The following CNTN5 variants were observed in gnomAD, a reference collection of about 807,000 sequenced individuals.
CNTN5 encodes the protein contactin 5.
CNTN5 carries 77 observed loss-of-function variants against 129.1 expected under a neutral mutation model. That is an observed-to-expected ratio of 0.60 (90% CI 0.50 to 0.72). The LOEUF (loss-of-function observed/expected upper bound fraction) is 0.72, where lower values mean the gene tolerates loss of function less well. Among genes scored for constraint, CNTN5 ranks in the 30% least tolerant of loss-of-function variants. The pLI, the probability that CNTN5 is intolerant of heterozygous loss-of-function variation, is 0.00. For missense variants in CNTN5, 1,478 were observed against 1,328.8 expected, an observed-to-expected ratio of 1.11 and a Z score of -1.75; for synonymous variants, 509 against 465.6, an observed-to-expected ratio of 1.09 and a Z score of -1.20.
chr11:100,337,289 A>G (rs1952056327), intron 21 of CNTN5: 1 of 1,163,452 alleles, frequency 8.6e-7, no homozygotes. Flanking sequence ...GCCTTTATAA[A>G]TCATGCTCCT....
chr11:99,498,234 T>C (rs1041274534), intron 2 of CNTN5, among the ~76,000 whole-genome samples: 13 of 152,182 alleles, frequency 8.5e-5, no homozygotes, highest in Non-Finnish European at 1.5e-4. Context: ...ATAAGTATAA[T>C]GTGTAATAAA....
intron 1 of CNTN5, among the ~76,000 whole-genome samples, chr11:99,036,203 T>C (rs1215880789): frequency 6.6e-6 from 1 of 152,048 alleles, no homozygotes; most frequent in Non-Finnish European, 1.5e-5. Context: ...CTTGGATAAA[T>C]ATTAATTTAG....
At chr11:99,925,648 G>T (rs61911656) in intron 7 of CNTN5, among the ~76,000 whole-genome samples, 2,130 of 152,140 alleles carry the variant, frequency 0.014, 24 homozygotes, top group Non-Finnish European at 0.023. Flanking sequence ...TGTATGAGCT[G>T]TAACACTTCA....
chr11:100,115,495 A>G (rs1233763232), intron 13 of CNTN5, among the ~76,000 whole-genome samples: 1 of 152,070 alleles, frequency 6.6e-6, no homozygotes, highest in Non-Finnish European at 1.5e-5. Context: ...TTGAGTATAT[A>G]TTTGAAGCAT....
intron 6 of CNTN5, among the ~76,000 whole-genome samples, chr11:99,896,347 TG>T (rs2135931741): frequency 6.6e-6 from 1 of 152,294 alleles, no homozygotes; most frequent in Non-Finnish European, 1.5e-5. Flanking sequence ...CAGAAGTAGC[TG>T]ATAGGCCCTC....
At chr11:100,048,509 A>T (rs1942801460) in intron 9 of CNTN5, among the ~76,000 whole-genome samples, 1 of 152,170 alleles carries the variant, frequency 6.6e-6, no homozygotes, top group African/African-American at 2.4e-5. Context: ...AAAGGAAAAC[A>T]TCAATATAAT....
At chr11:99,125,148 C>A (rs1395830776) in intron 1 of CNTN5, among the ~76,000 whole-genome samples, 1 of 151,932 alleles carries the variant, frequency 6.6e-6, no homozygotes, top group Admixed American at 6.6e-5. Flanking sequence ...CAAAACCTGG[C>A]AGAGATGCAA....
chr11:99,286,800 T>C (rs780016180), intron 1 of CNTN5, among the ~76,000 whole-genome samples: 1 of 152,246 alleles, frequency 6.6e-6, no homozygotes, highest in African/African-American at 2.4e-5. Flanking sequence ...AAAGAAACTT[T>C]ATAATGTAAG....
intron 3 of CNTN5, among the ~76,000 whole-genome samples, chr11:99,654,751 C>A (rs1306971782): frequency 6.6e-6 from 1 of 151,974 alleles, no homozygotes; most frequent in Admixed American, 6.6e-5. Context: ...CAAATTAAAT[C>A]AATTAAACAA....
intron 8 of CNTN5, among the ~76,000 whole-genome samples, chr11:99,982,799 C>G (rs1279420723): frequency 6.6e-6 from 1 of 152,078 alleles, no homozygotes; most frequent in Non-Finnish European, 1.5e-5. Flanking sequence ...TGCCACCACG[C>G]CCAGTTAATT....
intron 2 of CNTN5, among the ~76,000 whole-genome samples, chr11:99,519,086 C>T (rs867943768): frequency 4.3e-4 from 66 of 152,072 alleles, no homozygotes; most frequent in African/African-American, 1.5e-3. Flanking sequence ...CTACCAGTAC[C>T]CCATCTCCAA....
intron 3 of CNTN5, among the ~76,000 whole-genome samples, chr11:99,759,319 C>G (rs1164931262): frequency 6.6e-6 from 1 of 151,948 alleles, no homozygotes. Flanking sequence ...ACAGATTAGC[C>G]TTTTCTCACA....
intron 13 of CNTN5, among the ~76,000 whole-genome samples, chr11:100,131,643 T>TA (rs200047536): frequency 0.016 from 2,390 of 150,816 alleles, 60 homozygotes; most frequent in African/African-American, 0.053. Flanking sequence ...AAAATGGAAA[T>TA]AAAAAAAAGG....
chr11:100,039,062 C>T lies in CNTN5; in HGVS notation c.981-22150C>T, dbSNP rs532043999. On this transcript the variant is annotated intron_variant, in intron 9 of 24. Coordinates refer to ENST00000524871, the MANE Select transcript of CNTN5 (RefSeq NM_014361.4). ...TTAGTTGATGCAGTTTCTTCCTAGC[C>T]TTGATGGTCTTTACAACTTGGCATG... is the stretch of plus-strand genomic sequence containing the variant. Among the ~76,000 whole-genome samples, 6 of 152,236 alleles carry T rather than the reference C, an allele frequency of 3.9e-5. No homozygotes were observed. The East Asian group carries it at 1.2e-3, about 29-fold the overall frequency.
In CNTN5 at chr11:100,319,837, C is replaced by T. The variant is rs138770794; in HGVS notation, c.2730+11369C>T. Among the ~76,000 whole-genome samples, 80 of 152,292 alleles carry T rather than the reference C, an allele frequency of 5.3e-4. No homozygotes were observed. The East Asian group carries it at 0.012, about 23-fold the overall frequency. ...TCTGTGCCTGGCTTATTTCACTTAA[C>T]ATAATGGTCTCCAGATTCATTTATG... On this transcript the variant is annotated intron_variant, in intron 21 of 24. Coordinates refer to ENST00000524871, the MANE Select transcript of CNTN5 (RefSeq NM_014361.4).
In CNTN5 at chr11:99,112,052, G is replaced by A. The variant is rs1857822891; in HGVS notation, c.-210+90782G>A. ...AAAATTATTTTAATAAAATAGATTA[G>A]TACAGTACCTGATAATTACATTCAA... On this transcript the variant is annotated intron_variant, in intron 1 of 24. Transcript: ENST00000524871. 3.3e-5 allele frequency among the ~76,000 whole-genome samples: 5 copies of A among 152,018 alleles called. No individual in the cohort carries two copies. The South Asian group carries it at 1.0e-3, about 32-fold the overall frequency.
chr11:100,104,425 G>A (rs1328135989), intron 13 of CNTN5, among the ~76,000 whole-genome samples: 1 of 151,796 alleles, frequency 6.6e-6, no homozygotes, highest in Non-Finnish European at 1.5e-5. Flanking sequence ...GCATCATAGT[G>A]TCATTAGGTA....
chr11:99,159,993 A>C (rs1308519182), intron 1 of CNTN5, among the ~76,000 whole-genome samples: 2 of 152,200 alleles, frequency 1.3e-5, no homozygotes, highest in Non-Finnish European at 2.9e-5. Flanking sequence ...TGTCTTAGAC[A>C]CAGGGAGCAC....
At chr11:99,541,300 A>G (rs1436179453) in intron 2 of CNTN5, among the ~76,000 whole-genome samples, 1 of 152,148 alleles carries the variant, frequency 6.6e-6, no homozygotes, top group Non-Finnish European at 1.5e-5. Flanking sequence ...AAGGTTTTCT[A>G]TGTTCTAACA....
Sources: gnomAD v4.1 joint callset for allele counts (sites outside exome capture counted in the v4.1 genomes callset) on GRCh38, gnomAD v4.1.1 for gene constraint, MANE v1.5 for transcripts, NCBI Gene and HGNC (gene_info 2026-07-23, HGNC 2026-07-21) for gene names.